The following PTPN3 variants were observed in gnomAD, a reference collection of about 807,000 sequenced individuals.
The protein encoded by PTPN3 is protein tyrosine phosphatase non-receptor type 3.
A neutral mutation model predicts 132.7 loss-of-function variants in PTPN3; 96 were observed. The ratio of observed to expected loss-of-function variants is 0.72; its 90% CI spans 0.61 to 0.86. The LOEUF (loss-of-function observed/expected upper bound fraction) is 0.86. PTPN3 is among the 40% of genes least tolerant of loss of function. The pLI, the probability that PTPN3 is intolerant of heterozygous loss-of-function variation, is 0.00. For missense variants in PTPN3, 1,125 were observed against 1,159.6 expected, an observed-to-expected ratio of 0.97 and a Z score of 0.43; for synonymous variants, 398 against 429.0, an observed-to-expected ratio of 0.93 and a Z score of 0.89.
chr9:109,406,660 A>G (rs772547178), intron 17 of PTPN3, 42 bp from the exon 18 acceptor site: 1 of 1,608,576 alleles, frequency 6.2e-7, no homozygotes, highest in Non-Finnish European at 8.5e-7. Context: ...TTACCATAAC[A>G]CAGTCCTTGG....
At chr9:109,507,847 C>G in the PTPN3 span, among the ~76,000 whole-genome samples, 1 of 152,206 alleles carries the variant, frequency 6.6e-6, no homozygotes, top group African/African-American at 2.4e-5. Context: ...ATGAAGTTCT[C>G]CAGCTATCAT....
At chr9:109,381,833 T>C in intron 24 of PTPN3, 46 bp from the exon 25 acceptor site, 1 of 1,610,784 alleles carries the variant, frequency 6.2e-7, no homozygotes. Context: ...CTGAGTAGCC[T>C]TTCTGCATGG....
intron 14 of PTPN3, among the ~76,000 whole-genome samples, chr9:109,412,520 C>T (rs886446730): frequency 1.3e-5 from 2 of 152,034 alleles, no homozygotes; most frequent in Admixed American, 1.3e-4. Flanking sequence ...ACTACAGGTG[C>T]CCGCCACCAC....
chr9:109,390,248 T>A (rs1033750255), intron 21 of PTPN3, among the ~76,000 whole-genome samples: 1 of 152,196 alleles, frequency 6.6e-6, no homozygotes, highest in African/African-American at 2.4e-5. Flanking sequence ...TGAGACCAGT[T>A]TTTATTAGGG....
At position 109,376,855 on chromosome 9, in the gene PTPN3, T is replaced by C. The variant is rs1298391656; in HGVS notation, c.*2701A>G. ...GCTCTTTTAGGTAATTCTCTTGTCT[T>C]GTTCTTCCCAGTATTTCCTGGATTT... On this transcript the variant is annotated 3_prime_UTR_variant, in exon 26 of 26. Transcript: ENST00000374541. The C allele has an allele frequency of 6.6e-6, 1 of 152,244 alleles. No homozygotes were observed. Among genetic ancestry groups the C allele is most frequent in the Non-Finnish European group, 1.5e-5 (1 of 68,048 alleles). The allele number at this position is 152,244 out of a possible 1,614,324, so 9.4% of individuals were successfully genotyped here.
chr9:109,525,361 A>G, the PTPN3 span, among the ~76,000 whole-genome samples: 2 of 152,220 alleles, frequency 1.3e-5, no homozygotes, highest in African/African-American at 2.4e-5. Context: ...CCTAGCTGTT[A>G]TAGACTTTTT....
intron 5 of PTPN3, chr9:109,451,309 G>A (rs772033951): frequency 1.8e-4 from 176 of 984,464 alleles, no homozygotes; most frequent in Non-Finnish European, 2.1e-4. Context: ...GGCTCCTGTT[G>A]CAGTAAGATA....
the PTPN3 span, among the ~76,000 whole-genome samples, chr9:109,506,490 A>T: frequency 4.7e-4 from 52 of 111,168 alleles, no homozygotes; most frequent in African/African-American, 1.6e-3. Context: ...CTTCTTTCCT[A>T]CCTACCTTCT....
At chr9:109,450,333 C>T (rs1044269770) in intron 5 of PTPN3, 45 of 985,182 alleles carry the variant, frequency 4.6e-5, no homozygotes, top group Admixed American at 6.1e-5. Context: ...AGCTGACATT[C>T]AACCAGAATT....
At chr9:109,500,927 CAAAT>C (rs1171332043), upstream of PTPN3, among the ~76,000 whole-genome samples, 30 of 84,290 alleles carry the variant, frequency 3.6e-4, no homozygotes, top group South Asian at 9.7e-3. Flanking sequence ...GATTCTGTCT[CAAAT>C]AAAAAAAAAA....
At chr9:109,467,149 G>A (rs1846138565) in intron 1 of PTPN3, among the ~76,000 whole-genome samples, 1 of 152,126 alleles carries the variant, frequency 6.6e-6, no homozygotes, top group African/African-American at 2.4e-5. Context: ...TGCATTTTCT[G>A]AGTAATACAA....
chr9:109,426,957 T>G lies in PTPN3; in HGVS notation c.994A>C (p.Thr332Pro). ...TCTTTACAGCACACTCACTTTTTGG[T>G]GTTCCGAGAGCCCATAGTCCAGTAC... ...SQYWTMGSRN[T>P]KKSVNNQYCK... The change falls in exon 12 of 26, where the codon ACC becomes CCC. Residue 332 changes from threonine (T) to proline (P), a missense_variant. Transcript: ENST00000374541. The G allele has an allele frequency of 6.2e-7, 1 of 1,611,764 alleles. No homozygotes were observed.
chr9:109,383,865 A>G (rs1839336231), intron 22 of PTPN3, among the ~76,000 whole-genome samples: 1 of 151,912 alleles, frequency 6.6e-6, no homozygotes, highest in Non-Finnish European at 1.5e-5. Flanking sequence ...GCCTGTGAGC[A>G]ACCTCTCTAC....
At chr9:109,476,337 T>C (rs2132087787) in intron 1 of PTPN3, among the ~76,000 whole-genome samples, 1 of 151,486 alleles carries the variant, frequency 6.6e-6, no homozygotes, top group Non-Finnish European at 1.5e-5. Flanking sequence ...GAATGAAATG[T>C]ATATGTTTAT....
the PTPN3 span, among the ~76,000 whole-genome samples, chr9:109,535,722 G>A: frequency 1.3e-5 from 2 of 152,102 alleles, no homozygotes; most frequent in Admixed American, 6.5e-5. Context: ...GGCCAGGCTG[G>A]TCTTGAACTC....
chr9:109,522,545 T>A, the PTPN3 span, among the ~76,000 whole-genome samples: 2 of 152,342 alleles, frequency 1.3e-5, no homozygotes, highest in East Asian at 3.9e-4. Context: ...TATATTTATT[T>A]ATACAAAGAA....
rs371185968 is a variant in PTPN3, at chr9:109,463,289, G to C, written c.138+8C>G. 84 of 1,553,006 alleles carry C rather than the reference G, an allele frequency of 5.4e-5. No individual in the cohort carries two copies. Among genetic ancestry groups the C allele is most frequent in the Non-Finnish European group, 7.1e-5 (82 of 1,153,664 alleles). ...AGGAAAAGTAAAAAAAAAAAGTAGA[G>C]AACTTACAGTAACTTTAAAGGTCTG... On this transcript the variant is annotated splice_region_variant and intron_variant, in intron 2 of 25. Transcript: ENST00000374541.
intron 22 of PTPN3, among the ~76,000 whole-genome samples, chr9:109,388,688 C>G (rs958560782): frequency 1.3e-5 from 2 of 152,158 alleles, no homozygotes; most frequent in Non-Finnish European, 1.5e-5. Flanking sequence ...GCAACCAACC[C>G]TTAGGGTTAT....
At chr9:109,394,454 AT>A (rs11407022) in intron 19 of PTPN3, among the ~76,000 whole-genome samples, 3,478 of 140,008 alleles carry the variant, frequency 0.025, 42 homozygotes, top group Middle Eastern at 0.037. Flanking sequence ...CAGTGTTTAC[AT>A]TTTTTTTTTT....
Sources: allele counts gnomAD v4.1 joint callset (sites outside exome capture counted in the v4.1 genomes callset), GRCh38; gene constraint gnomAD v4.1.1; transcripts MANE v1.5; gene names NCBI Gene and HGNC (gene_info 2026-07-23, HGNC 2026-07-21).